GKAP1: variants seen among roughly 807,000 people sequenced by gnomAD.
GKAP1 encodes the protein G kinase-anchoring protein 1.
A neutral mutation model predicts 56.7 loss-of-function variants in GKAP1; 31 were observed. The observed-to-expected ratio is 0.55, with a 90% CI of 0.41 to 0.74. The LOEUF is 0.74. Among genes scored for constraint, GKAP1 ranks in the 30% least tolerant of loss-of-function variants. The pLI is 0.00. For missense variants in GKAP1, 364 were observed against 402.3 expected, an observed-to-expected ratio of 0.90 and a Z score of 0.82; for synonymous variants, 151 against 138.6, an observed-to-expected ratio of 1.09 and a Z score of -0.63.
At chr9:83,774,288 A>G (rs1943814457) in intron 7 of GKAP1, among the ~76,000 whole-genome samples, 1 of 151,976 alleles carries the variant, frequency 6.6e-6, no homozygotes. Flanking sequence ...CTTGGGAAAG[A>G]GTTTATGACC....
In GKAP1 at chr9:83,777,717, A is replaced by T. The variant is rs551521666; in HGVS notation, c.585+2665T>A. Among the ~76,000 whole-genome samples the T allele has an allele frequency of 5.9e-5, 9 of 152,312 alleles. No homozygotes were observed. The East Asian group carries it at 1.5e-3, about 26-fold the overall frequency. Reference sequence around the variant, plus strand: ...AACTTAAGAGTAGCCATGAAAAAAAAATCCCTTGGCCTAAGTAATATATTA... The same window carrying T: ...AACTTAAGAGTAGCCATGAAAAAAATATCCCTTGGCCTAAGTAATATATTA... On this transcript the variant is annotated intron_variant, in intron 7 of 12. Coordinates refer to ENST00000376371, the MANE Select transcript of GKAP1 (RefSeq NM_025211.4).
At chr9:83,761,837 A>AT (rs1401760379) in intron 8 of GKAP1, among the ~76,000 whole-genome samples, 2 of 152,224 alleles carry the variant, frequency 1.3e-5, no homozygotes, top group Admixed American at 6.5e-5. Context: ...CTGAAAAAGC[A>AT]TTTGATAAAA....
chr9:83,780,912 T>TA (rs1257264422), intron 6 of GKAP1, among the ~76,000 whole-genome samples: 2 of 152,126 alleles, frequency 1.3e-5, no homozygotes. Flanking sequence ...ATAGCACTAT[T>TA]AAAAAACCTA....
At position 83,784,853 on chromosome 9, in the gene GKAP1, C is replaced by T. The variant is rs1944037769; in HGVS notation, c.439-15G>A. On this transcript the variant is annotated splice_polypyrimidine_tract_variant and intron_variant, in intron 5 of 12. Coordinates refer to ENST00000376371, the MANE Select transcript of GKAP1 (RefSeq NM_025211.4). Reference sequence around the variant, plus strand: ...TCTTCATACTCCTAAAAAGAATTACCAACAACAATTAAGTTCAGTTTACAA... The same window carrying T: ...TCTTCATACTCCTAAAAAGAATTACTAACAACAATTAAGTTCAGTTTACAA... 8 of 1,516,840 alleles carry T rather than the reference C, an allele frequency of 5.3e-6. No individual in the cohort carries two copies. Among genetic ancestry groups the T allele is most frequent in the Admixed American group, 2.1e-5 (1 of 46,690 alleles). 94.0% of individuals were successfully genotyped at this position (1,516,840 alleles called of 1,614,324 possible). A position where few individuals can be genotyped will look rare whatever the true frequency, so the allele number is the denominator to read the frequency against.
intron 9 of GKAP1, 59 bp from the exon 10 acceptor site, chr9:83,748,431 T>C: frequency 1.0e-6 from 1 of 961,004 alleles, no homozygotes; most frequent in Admixed American, 2.2e-5. Flanking sequence ...AATTAATGAT[T>C]TACTGTCAAC....
At chr9:83,756,782 G>A (rs1444078136) in intron 8 of GKAP1, among the ~76,000 whole-genome samples, 2 of 152,150 alleles carry the variant, frequency 1.3e-5, no homozygotes, top group East Asian at 3.9e-4. Context: ...ACAGTGCCTG[G>A]CATATACATA....
At chr9:83,753,219 T>C (rs1470125616) in intron 9 of GKAP1, 39 bp downstream of exon 9, 2 of 1,187,476 alleles carry the variant, frequency 1.7e-6, no homozygotes, top group Non-Finnish European at 2.4e-6. Context: ...TGAAAATTTA[T>C]AGAATTATTT....
In GKAP1 at chr9:83,770,625, C is replaced by T. The variant is rs555241424; in HGVS notation, c.586-1655G>A. Among the ~76,000 whole-genome samples the T allele has an allele frequency of 1.3e-4, 19 of 151,968 alleles. No homozygotes were observed. In the South Asian group the frequency reaches 1.9e-3, roughly 15 times the overall value. On this transcript the variant is annotated intron_variant, in intron 7 of 12. Coordinates refer to ENST00000376371, the MANE Select transcript of GKAP1 (RefSeq NM_025211.4). ...CAGGCGGAGTGCAATGGCAAGATCT[C>T]GGCTCACTGCAACCTCTTCCTCCCA...
rs112784672 is a variant in GKAP1, at chr9:83,757,845, G to GA, written c.739-4487dup. Among the ~76,000 whole-genome samples the GA allele has an allele frequency of 1.5e-3, 217 of 140,978 alleles. 1 individual carries two copies. Among genetic ancestry groups the GA allele is most frequent in the Admixed American group, 9.2e-4 (13 of 14,184 alleles). The allele number at this position is 140,978 out of a possible 152,430, so 92.5% of individuals were successfully genotyped here. On this transcript the variant is annotated intron_variant, in intron 8 of 12. Coordinates refer to ENST00000376371, the MANE Select transcript of GKAP1 (RefSeq NM_025211.4). ...TAAAAATCTTGAAAAACAGAAAAGTGAAAAAAAAAAAGTGTAGAATCTGGA... is the reference window on the plus strand; with the variant it reads ...TAAAAATCTTGAAAAACAGAAAAGTGAAAAAAAAAAAAGTGTAGAATCTGGA...
intron 8 of GKAP1, among the ~76,000 whole-genome samples, chr9:83,760,758 C>T: frequency 6.6e-6 from 1 of 152,036 alleles, no homozygotes; most frequent in Non-Finnish European, 1.5e-5. Flanking sequence ...CAATATCCTC[C>T]TGAATGATCA....
intron 7 of GKAP1, among the ~76,000 whole-genome samples, chr9:83,773,128 G>A (rs1387831595): frequency 6.6e-6 from 1 of 152,152 alleles, no homozygotes; most frequent in Non-Finnish European, 1.5e-5. Context: ...TACGTCAAAT[G>A]TGCATAGCAA....
rs1037357194 is a variant in GKAP1 at position 83,741,934 on chromosome 9, T to C, written c.1053+18A>G. On this transcript the variant is annotated intron_variant, in intron 12 of 12. Transcript: ENST00000376371. ...GTATTATTTGTGATAAAAACACTTA[T>C]AAATTATAAAAGCATACCTGGTATT... The C allele has an allele frequency of 2.1e-6, 3 of 1,446,654 alleles. No homozygotes were observed. Among genetic ancestry groups the C allele is most frequent in the African/African-American group, 2.8e-5 (2 of 70,698 alleles). 89.6% of individuals were successfully genotyped at this position (1,446,654 alleles called of 1,614,324 possible).
chr9:83,774,799 T>C (rs769068549), intron 7 of GKAP1, among the ~76,000 whole-genome samples: 6 of 124,596 alleles, frequency 4.8e-5, no homozygotes, highest in Admixed American at 4.2e-4. Flanking sequence ...AACCTCCACC[T>C]CCCGGGTTCA....
In GKAP1 at chr9:83,768,815, T is replaced by C; in HGVS notation, c.738+3A>G. The C allele has an allele frequency of 1.2e-6, 2 of 1,606,292 alleles. No homozygotes were observed. Among genetic ancestry groups the C allele is most frequent in the Non-Finnish European group, 8.5e-7 (1 of 1,178,086 alleles). On this transcript the variant is annotated splice_donor_region_variant and intron_variant, in intron 8 of 12. Transcript: ENST00000376371. ...TTTTAAGAGAATTTTCTACTTTACA[T>C]GCCTGGTTGTGTTCATGAGCTGTAC...
intron 2 of GKAP1, among the ~76,000 whole-genome samples, chr9:83,806,860 G>C (rs1370109362): frequency 1.3e-5 from 2 of 151,982 alleles, no homozygotes; most frequent in Non-Finnish European, 2.9e-5. Flanking sequence ...CATAGTTATA[G>C]AGAACATCCT....
At chr9:83,781,851 T>TTG (rs1271353040) in intron 6 of GKAP1, among the ~76,000 whole-genome samples, 1 of 150,898 alleles carries the variant, frequency 6.6e-6, no homozygotes, top group Non-Finnish European at 1.5e-5. Context: ...TTCTTCTTTT[T>TTG]TTTTTTTTTT....
chr9:83,741,393 A>ACAC (rs1943206126), intron 12 of GKAP1, among the ~76,000 whole-genome samples: 1 of 148,450 alleles, frequency 6.7e-6, no homozygotes, highest in East Asian at 2.1e-4. Context: ...CACACACACA[A>ACAC]AAGCACTGGT....
chr9:83,786,168 A>G (rs917068337), intron 5 of GKAP1, among the ~76,000 whole-genome samples: 1 of 152,136 alleles, frequency 6.6e-6, no homozygotes, highest in African/African-American at 2.4e-5. Flanking sequence ...ACTATACACT[A>G]TGTCTCCCTC....
At chr9:83,806,229 G>T in intron 3 of GKAP1, 73 bp downstream of exon 3, 1 of 958,422 alleles carries the variant, frequency 1.0e-6, no homozygotes, top group Non-Finnish European at 1.6e-6. Flanking sequence ...ATACACAGGG[G>T]AACAAGATAG....
Sources: gnomAD v4.1 joint callset for allele counts (sites outside exome capture counted in the v4.1 genomes callset) on GRCh38, gnomAD v4.1.1 for gene constraint, MANE v1.5 for transcripts, NCBI Gene and HGNC (gene_info 2026-07-23, HGNC 2026-07-21) for gene names.